The following KCNT2 variants were observed in gnomAD, a reference collection of about 807,000 sequenced individuals.
KCNT2 encodes potassium channel subfamily T member 2.
KCNT2 carries 67 observed loss-of-function variants against 153.8 expected under a neutral mutation model. The observed-to-expected ratio is 0.44, with a 90% CI of 0.36 to 0.53. The LOEUF (loss-of-function observed/expected upper bound fraction) is 0.53, where lower values mean the gene tolerates loss of function less well. Among genes scored for constraint, KCNT2 ranks in the 20% least tolerant of loss-of-function variants. The pLI is 0.00. For synonymous variants in KCNT2, 500 were observed against 458.8 expected, an observed-to-expected ratio of 1.09 and a Z score of -1.15; for missense variants, 975 against 1,354.8, an observed-to-expected ratio of 0.72 and a Z score of 4.40.
At chr1:196,292,336 C>T (rs76123845) in intron 22 of KCNT2, among the ~76,000 whole-genome samples, 7,529 of 152,124 alleles carry the variant, frequency 0.049, 280 homozygotes, top group Non-Finnish European at 0.071. Flanking sequence ...TAATATACGC[C>T]ATGTATAAAA....
At chr1:196,596,826 C>A (rs902309213) in intron 1 of KCNT2, among the ~76,000 whole-genome samples, 3 of 152,002 alleles carry the variant, frequency 2.0e-5, no homozygotes, top group African/African-American at 7.2e-5. Flanking sequence ...CTCAGCCTCC[C>A]GAGTAGCTAG....
intron 22 of KCNT2, among the ~76,000 whole-genome samples, chr1:196,299,104 A>G (rs914980088): frequency 6.6e-6 from 1 of 152,082 alleles, no homozygotes; most frequent in African/African-American, 2.4e-5. Flanking sequence ...TTTGTGAAAT[A>G]CATCAAAGCA....
chr1:196,561,281 GA>G (rs1015428429), intron 1 of KCNT2, among the ~76,000 whole-genome samples: 12 of 150,918 alleles, frequency 8.0e-5, no homozygotes, highest in African/African-American at 2.7e-4. Flanking sequence ...AAAGTTTTAG[GA>G]AAAAAAAGAT....
At chr1:196,580,850 T>C (rs1330032573) in intron 1 of KCNT2, among the ~76,000 whole-genome samples, 1 of 152,160 alleles carries the variant, frequency 6.6e-6, no homozygotes, top group Non-Finnish European at 1.5e-5. Flanking sequence ...AAAGTGTTTC[T>C]TTCTGAAAAG....
chr1:196,329,879 ATGTGTGTGTG>A (rs57881763), intron 18 of KCNT2, among the ~76,000 whole-genome samples: 3 of 124,788 alleles, frequency 2.4e-5, no homozygotes, highest in Non-Finnish European at 3.3e-5. Flanking sequence ...ATACACTTAT[ATGTGTGTGTG>A]TGTGTGTGTG....
chr1:196,361,362 G>A (rs115209613), intron 14 of KCNT2, among the ~76,000 whole-genome samples: 60 of 152,126 alleles, frequency 3.9e-4, no homozygotes, highest in African/African-American at 1.3e-3. Context: ...GGAGCCTAAG[G>A]AGACACCAGA....
chr1:196,600,051 T>C (rs1171400202), intron 1 of KCNT2, among the ~76,000 whole-genome samples: 1 of 152,216 alleles, frequency 6.6e-6, no homozygotes, highest in African/African-American at 2.4e-5. Context: ...TCTGAAATTA[T>C]ACTACATGTA....
chr1:196,418,990 T>C (rs1672972718), intron 12 of KCNT2, among the ~76,000 whole-genome samples: 1 of 151,984 alleles, frequency 6.6e-6, no homozygotes, highest in Non-Finnish European at 1.5e-5. Flanking sequence ...GAGCCTGCTG[T>C]TTAGGGTCCA....
intron 1 of KCNT2, among the ~76,000 whole-genome samples, chr1:196,593,311 TACACACACACAC>T (rs869080667): frequency 2.1e-5 from 3 of 140,204 alleles, no homozygotes; most frequent in Non-Finnish European, 3.0e-5. Flanking sequence ...TATATATATA[TACACACACACAC>T]ACACACACAC....
At chr1:196,461,428 G>A (rs907993131) in intron 8 of KCNT2, among the ~76,000 whole-genome samples, 1 of 151,498 alleles carries the variant, frequency 6.6e-6, no homozygotes, top group African/African-American at 2.4e-5. Flanking sequence ...ACATAATATA[G>A]TTTCTTATGT....
intron 1 of KCNT2, among the ~76,000 whole-genome samples, chr1:196,495,665 C>T (rs556562342): frequency 1.1e-3 from 164 of 152,284 alleles, no homozygotes; most frequent in Non-Finnish European, 1.8e-3. Context: ...GGACCTTCCC[C>T]AGAACCACAG....
intron 13 of KCNT2, among the ~76,000 whole-genome samples, chr1:196,376,482 T>G (rs1668978873): frequency 6.6e-6 from 1 of 151,890 alleles, no homozygotes; most frequent in Non-Finnish European, 1.5e-5. Context: ...ATTTCGTGTT[T>G]TACCACCAAG....
intron 14 of KCNT2, among the ~76,000 whole-genome samples, chr1:196,344,113 T>A (rs530322362): frequency 6.6e-6 from 1 of 152,184 alleles, no homozygotes; most frequent in Non-Finnish European, 1.5e-5. Flanking sequence ...TATTTAACTT[T>A]TCAGTGATTC....
chr1:196,323,835 A>G (rs1258763545), intron 19 of KCNT2, among the ~76,000 whole-genome samples: 9 of 151,876 alleles, frequency 5.9e-5, no homozygotes, highest in Admixed American at 5.9e-4. Context: ...CTAGAAGGGT[A>G]TGCAATCATC....
At chr1:196,396,328 A>G (rs886317818) in intron 13 of KCNT2, among the ~76,000 whole-genome samples, 1 of 151,684 alleles carries the variant, frequency 6.6e-6, no homozygotes, top group Non-Finnish European at 1.5e-5. Context: ...GCAAATCACA[A>G]AGCAAACCTT....
At chr1:196,517,568 G>A (rs1174047178) in intron 1 of KCNT2, among the ~76,000 whole-genome samples, 1 of 152,132 alleles carries the variant, frequency 6.6e-6, no homozygotes, top group Admixed American at 6.5e-5. Context: ...CAGTGTAAGA[G>A]AGAACCTAAC....
In KCNT2 at chr1:196,587,052, C is replaced by G. The variant is rs540249424; in HGVS notation, c.95+21163G>C. ...ATTCTACTTTCCTCAAAGCAACTTACTGAAATATAGAAAATATTCGAATCA... is the reference window on the plus strand; with the variant it reads ...ATTCTACTTTCCTCAAAGCAACTTAGTGAAATATAGAAAATATTCGAATCA... On this transcript the variant is annotated intron_variant, in intron 1 of 27. Coordinates refer to ENST00000294725, the MANE Select transcript of KCNT2 (RefSeq NM_198503.5). Among the ~76,000 whole-genome samples the G allele has an allele frequency of 2.0e-5, 3 of 152,086 alleles. No individual in the cohort carries two copies. The South Asian group carries it at 6.2e-4, about 32-fold the overall frequency.
At chr1:196,422,934 T>C (rs1673333837) in intron 12 of KCNT2, 116 bp downstream of exon 12, 2 of 549,648 alleles carry the variant, frequency 3.6e-6, no homozygotes, top group South Asian at 3.2e-5. Flanking sequence ...TGTTTCCTTT[T>C]AGTAAAACTT....
At chr1:196,600,521 C>T (rs1664604755) in intron 1 of KCNT2, among the ~76,000 whole-genome samples, 1 of 5,850 alleles carries the variant, frequency 1.7e-4, no homozygotes. Context: ...TTGTTTTAGG[C>T]AACAAAAACT....
Sources: allele counts gnomAD v4.1 joint callset (sites outside exome capture counted in the v4.1 genomes callset), GRCh38; gene constraint gnomAD v4.1.1; transcripts MANE v1.5; gene names NCBI Gene and HGNC (gene_info 2026-07-23, HGNC 2026-07-21).